The following AFP variants were observed in gnomAD, a reference collection of about 807,000 sequenced individuals.
AFP encodes alpha-fetoprotein.
A neutral mutation model predicts 78.9 loss-of-function variants in AFP; 64 were observed. That is an observed-to-expected ratio of 0.81 (90% confidence interval 0.66 to 1.00). The LOEUF (loss-of-function observed/expected upper bound fraction) is 1.00. AFP is among the 50% of genes least tolerant of loss of function. The probability of loss-of-function intolerance (pLI) is 0.00; values close to 1 mark genes in which losing one functional copy is unlikely to be tolerated. For missense variants in AFP, 689 were observed against 703.8 expected (o/e 0.98, Z 0.24); for synonymous variants, 254 against 243.8 (o/e 1.04, Z -0.39).
At chr4:73,455,168 A>G (rs1436917691) in intron 13 of AFP, 68 bp from the exon 14 acceptor site, 3 of 1,200,450 alleles carry the variant, frequency 2.5e-6, no homozygotes, top group Admixed American at 1.7e-5. Context: ...CGGATTGTAG[A>G]GTGTTAACTG....
chr4:73,441,949 G>C (rs2149333775), intron 4 of AFP, among the ~76,000 whole-genome samples: 1 of 152,254 alleles, frequency 6.6e-6, no homozygotes, highest in African/African-American at 2.4e-5. Context: ...GTTGCACTTA[G>C]CAGAAGTCTG....
chr4:73,444,452 G>C (rs1232230291), intron 6 of AFP, among the ~76,000 whole-genome samples: 1 of 152,104 alleles, frequency 6.6e-6, no homozygotes, highest in Non-Finnish European at 1.5e-5. Context: ...GAAATATGCA[G>C]AGGAAACCAG....
At chr4:73,450,824 C>A (rs1325815645) in intron 11 of AFP, 71 bp downstream of exon 11, 3 of 1,607,874 alleles carry the variant, frequency 1.9e-6, no homozygotes, top group South Asian at 1.1e-5. Context: ...CATAATTCCC[C>A]TCTAGGGAAG....
chr4:73,442,324 C>T lies in AFP; in HGVS notation c.511C>T (p.Pro171Ser), dbSNP rs1374988486. 6.2e-7 allele frequency: 1 copy of T among 1,613,714 alleles called. No homozygotes were observed. The highest frequency in any genetic ancestry group is 8.5e-7 in the Non-Finnish European group (1 of 1,179,704). Residue 171 changes from proline (P) to serine (S), a missense_variant, in exon 5 of 15, where the codon CCC becomes TCC. Transcript: ENST00000395792. The part of the protein sequence containing the change: ...KFIYEIARRH[P>S]FLYAPTILLW... Reference sequence around the variant, plus strand: ...CATTTATGAGATAGCAAGAAGGCATCCCTTCCTGTATGCACCTACAATTCT... The same window carrying T: ...CATTTATGAGATAGCAAGAAGGCATTCCTTCCTGTATGCACCTACAATTCT...
At chr4:73,449,946 T>C in intron 9 of AFP, 90 bp from the exon 10 acceptor site, 1 of 804,806 alleles carries the variant, frequency 1.2e-6, no homozygotes, top group Non-Finnish European at 2.0e-6. Flanking sequence ...TGATTGGTTT[T>C]ATAATAGTAT....
intron 4 of AFP, among the ~76,000 whole-genome samples, chr4:73,441,337 C>A (rs1047648904): frequency 2.6e-5 from 4 of 151,622 alleles, no homozygotes; most frequent in African/African-American, 7.3e-5. Context: ...GAGGCCGAGG[C>A]GGGCGGATCA....
chr4:73,449,691 GA>G (rs777331384), intron 9 of AFP, among the ~76,000 whole-genome samples: 22 of 152,124 alleles, frequency 1.4e-4, no homozygotes, highest in Non-Finnish European at 2.4e-4. Flanking sequence ...ATCAAGTGTA[GA>G]AATAAAAATG....
intron 8 of AFP, among the ~76,000 whole-genome samples, chr4:73,448,872 T>G (rs1033506452): frequency 6.6e-6 from 1 of 152,130 alleles, no homozygotes; most frequent in Admixed American, 6.5e-5. Flanking sequence ...GTATCATCCT[T>G]TTTTCTCTTT....
intron 13 of AFP, among the ~76,000 whole-genome samples, chr4:73,454,665 C>T (rs1720107859): frequency 1.3e-5 from 2 of 152,076 alleles, no homozygotes; most frequent in South Asian, 2.1e-4. Flanking sequence ...TTACCTTTCT[C>T]ACCATGTAAA....
rs1289195974 is a variant in AFP, at chr4:73,447,630, G to C, written c.1012G>C (p.Asp338His). Reference sequence around the variant, plus strand: ...TCTAAACAGGTTTTTAGGAGATAGAGATTTTAACCAATTTTCTTCAGGGGA... The same window carrying C: ...TCTAAACAGGTTTTTAGGAGATAGACATTTTAACCAATTTTCTTCAGGGGA... ...PNLNRFLGDR[D>H]FNQFSSGEKN... The change falls in exon 8 of 15, where the codon GAT becomes CAT. Residue 338 changes from aspartate (D) to histidine (H), a missense_variant. Transcript: ENST00000395792. 1.2e-6 allele frequency: 2 copies of C among 1,611,748 alleles called. No individual in the cohort carries two copies. Among genetic ancestry groups the C allele is most frequent in the Non-Finnish European group, 1.7e-6 (2 of 1,179,608 alleles).
At position 73,438,280 on chromosome 4, in the gene AFP, C is replaced by T. The variant is rs779400110; in HGVS notation, c.244C>T (p.Gln82Ter). ...TAIEKPTGDE[Q>*]SSGCLENQLP... is the part of the protein sequence containing the mutation. ...AATTGAGAAACCCACTGGAGATGAA[C>T]AGTCTTCAGGGTGTTTAGAAAACCA... Residue 82 changes from glutamine (Q) to a stop codon, truncating the protein, a stop_gained, in exon 3 of 15, where the codon CAG (glutamine) becomes TAG (stop). Coordinates refer to ENST00000395792, the MANE Select transcript of AFP (RefSeq NM_001134.3). LOFTEE classifies it high-confidence loss of function. 1 of 1,613,174 alleles carries T rather than the reference C, an allele frequency of 6.2e-7. No individual in the cohort carries two copies. Among genetic ancestry groups the T allele is most frequent in the East Asian group, 2.2e-5 (1 of 44,802 alleles).
At position 73,438,284 on chromosome 4, in the gene AFP, C is replaced by T; in HGVS notation, c.248C>T (p.Ser83Phe). The change falls in exon 3 of 15, where the codon TCT becomes TTT. Residue 83 changes from serine to phenylalanine, a missense_variant. Transcript: ENST00000395792. Reference protein sequence around the residue: ...AIEKPTGDEQSSGCLENQLPA... With the variant: ...AIEKPTGDEQFSGCLENQLPA... ...GAGAAACCCACTGGAGATGAACAGT[C>T]TTCAGGGTGTTTAGAAAACCAGGTG... 6.2e-7 allele frequency: 1 copy of T among 1,613,130 alleles called. No homozygotes were observed. The highest frequency in any genetic ancestry group is 8.5e-7 in the Non-Finnish European group (1 of 1,179,380).
At chr4:73,436,672 A>G (rs1249263566) in intron 1 of AFP, among the ~76,000 whole-genome samples, 1 of 151,696 alleles carries the variant, frequency 6.6e-6, no homozygotes, top group African/African-American at 2.4e-5. Context: ...AAAATTTTAT[A>G]TGTGAAGAAG....
Position 73,456,001 on chromosome 4 carries a change from T to A in AFP, c.*381T>A. The A allele has an allele frequency of 4.5e-6, 1 of 224,296 alleles. No individual in the cohort carries two copies. The highest frequency in any genetic ancestry group is 1.1e-4 in the East Asian group (1 of 8,808). The allele number at this position is 224,296 out of a possible 1,614,324, so 13.9% of individuals were successfully genotyped here. ...CTACCAGGGCATTTTGTTTATTAAA[T>A]GACCATCACTGAAGTATTCTAACAG... On this transcript the variant is annotated 3_prime_UTR_variant, in exon 15 of 15. Coordinates refer to ENST00000395792, the MANE Select transcript of AFP (RefSeq NM_001134.3).
chr4:73,453,890 C>T lies in AFP; in HGVS notation c.1778C>T (p.Ala593Val). The change falls in exon 13 of 15, where the codon GCT (alanine) becomes GTT (valine). Residue 593 changes from alanine (A) to valine (V), a missense_variant. Physicochemically the swap from Ala to Val is moderately conservative, Grantham distance 64. Transcript: ENST00000395792. The part of the protein sequence containing the change: ...CQGQEQEVCF[A>V]EEGQKLISKT... ...GGCCAGGAACAGGAAGTCTGCTTTG[C>T]TGAAGAGGTACATGCAGCTCATTTC... 1.2e-6 allele frequency: 2 copies of T among 1,613,584 alleles called. No homozygotes were observed. Among genetic ancestry groups the T allele is most frequent in the Non-Finnish European group, 1.7e-6 (2 of 1,179,626 alleles).
chr4:73,452,324 C>G, intron 11 of AFP, 77 bp from the exon 12 acceptor site: 1 of 1,136,358 alleles, frequency 8.8e-7, no homozygotes, highest in African/African-American at 1.5e-5. Context: ...ATTATTGCAG[C>G]AGTTTTCTGA....
intron 4 of AFP, 140 bp downstream of exon 4, chr4:73,440,953 G>T: frequency 1.2e-6 from 1 of 850,482 alleles, no homozygotes. Flanking sequence ...TGAGGTCCCA[G>T]ACAAGGTAAT....
intron 7 of AFP, 60 bp downstream of exon 7, chr4:73,445,182 C>T: frequency 6.3e-7 from 1 of 1,596,788 alleles, no homozygotes; most frequent in Non-Finnish European, 8.6e-7. Context: ...CTTTTTGTCT[C>T]ATTCTAAAAG....
intron 3 of AFP, among the ~76,000 whole-genome samples, chr4:73,438,572 T>C (rs1719577556): frequency 1.3e-5 from 2 of 152,166 alleles, no homozygotes; most frequent in Admixed American, 6.5e-5. Flanking sequence ...TTAACTTTTT[T>C]GAGCTTCAGT....
Sources: gnomAD v4.1 joint callset for allele counts (sites outside exome capture counted in the v4.1 genomes callset) on GRCh38, gnomAD v4.1.1 for gene constraint, MANE v1.5 for transcripts, NCBI Gene and HGNC (gene_info 2026-07-23, HGNC 2026-07-21) for gene names.